The following PHF14 variants were observed in gnomAD, a reference collection of about 807,000 sequenced individuals.
The protein encoded by PHF14 is PHD finger protein 14.
A neutral mutation model predicts 117.9 loss-of-function variants in PHF14; 55 were observed. The ratio of observed to expected loss-of-function variants is 0.47; its 90% CI spans 0.38 to 0.58. The LOEUF is 0.58. Ranked by LOEUF, PHF14 falls within the 20% of genes least tolerant of loss-of-function variation. PHF14 has a pLI of 0.00. For synonymous variants in PHF14, 409 were observed against 368.6 expected (o/e 1.11, Z -1.26); for missense variants, 978 against 1,122.2 (o/e 0.87, Z 1.84).
chr7:11,115,676 G>T (rs1339419072), intron 17 of PHF14, among the ~76,000 whole-genome samples: 3 of 151,896 alleles, frequency 2.0e-5, no homozygotes, highest in Non-Finnish European at 4.4e-5. Flanking sequence ...TTTAGGTTTG[G>T]CTATTAATCC....
chr7:11,070,849 A>G (rs770265809), intron 16 of PHF14, among the ~76,000 whole-genome samples: 5 of 152,212 alleles, frequency 3.3e-5, no homozygotes, highest in African/African-American at 4.8e-5. Context: ...ATACACTGCC[A>G]TATCTGTATA....
At chr7:11,153,349 A>T (rs1411230979) in intron 17 of PHF14, among the ~76,000 whole-genome samples, 1 of 152,160 alleles carries the variant, frequency 6.6e-6, no homozygotes, top group East Asian at 1.9e-4. Flanking sequence ...TTTGTGTTTG[A>T]ACAACTGAGT....
At chr7:11,097,719 G>A (rs1305899927) in intron 16 of PHF14, among the ~76,000 whole-genome samples, 2 of 152,116 alleles carry the variant, frequency 1.3e-5, no homozygotes, top group Non-Finnish European at 2.9e-5. Context: ...CATTCTCAAA[G>A]TTCATTGTTG....
At position 10,992,693 on chromosome 7, in the gene PHF14, C is replaced by T. The variant is rs372325845; in HGVS notation, c.1045+1846C>T. On this transcript the variant is annotated intron_variant, in intron 4 of 17. Transcript: ENST00000634607. ...AAACAAACAAACAAAAAAAGGCATT[C>T]TCTTACATAACCACATAATTATCAA... Among the ~76,000 whole-genome samples the T allele has an allele frequency of 2.6e-5, 4 of 151,982 alleles. No individual in the cohort carries two copies. In the East Asian group the frequency reaches 5.8e-4, roughly 22 times the overall value.
chr7:11,149,724 T>C (rs1788653292), intron 17 of PHF14, among the ~76,000 whole-genome samples: 1 of 152,180 alleles, frequency 6.6e-6, no homozygotes, highest in African/African-American at 2.4e-5. Flanking sequence ...TCTGTAGTTT[T>C]ATTTTTTGTT....
intron 6 of PHF14, among the ~76,000 whole-genome samples, chr7:11,027,643 C>T (rs1162845742): frequency 6.6e-6 from 1 of 152,046 alleles, no homozygotes; most frequent in Non-Finnish European, 1.5e-5. Flanking sequence ...AAAGAATGTA[C>T]ATAATTGACT....
chr7:11,147,353 T>A (rs1788575673), intron 17 of PHF14, among the ~76,000 whole-genome samples: 1 of 152,188 alleles, frequency 6.6e-6, no homozygotes. Context: ...TCCATTATGA[T>A]TCGAAGATGG....
At chr7:11,021,396 C>G (rs938424239) in intron 5 of PHF14, among the ~76,000 whole-genome samples, 2 of 152,014 alleles carry the variant, frequency 1.3e-5, no homozygotes, top group Non-Finnish European at 2.9e-5. Flanking sequence ...TTAAAAGGGA[C>G]CATAGTTGTC....
rs749750656 is a variant in PHF14, at chr7:10,990,688, A to G, written c.901-15A>G. The G allele has an allele frequency of 1.4e-6, 2 of 1,451,274 alleles. No individual in the cohort carries two copies. Among genetic ancestry groups the G allele is most frequent in the Non-Finnish European group, 1.9e-6 (2 of 1,070,564 alleles). 89.9% of individuals were successfully genotyped at this position (1,451,274 alleles called of 1,614,324 possible). A position where few individuals can be genotyped will look rare whatever the true frequency, so the allele number is the denominator to read the frequency against. ...AAATGTGATTTTCTGATATATGTTA[A>G]TATTTTAATATTAGGACTCGCTGAT... On this transcript the variant is annotated splice_polypyrimidine_tract_variant and intron_variant, in intron 3 of 17. Coordinates refer to ENST00000634607, the MANE Select transcript of PHF14 (RefSeq NM_001007157.2).
intron 17 of PHF14, 48 bp downstream of exon 17, chr7:11,111,515 A>G (rs1277169992): frequency 1.1e-6 from 1 of 902,380 alleles, no homozygotes; most frequent in Non-Finnish European, 1.8e-6. Flanking sequence ...CTTCCGTTTG[A>G]TAGCTTTCCC....
intron 4 of PHF14, among the ~76,000 whole-genome samples, chr7:10,998,662 A>G (rs920251022): frequency 6.6e-6 from 1 of 152,190 alleles, no homozygotes; most frequent in African/African-American, 2.4e-5. Flanking sequence ...ATGTTAACTC[A>G]GGAGTAGCAG....
chr7:10,975,978 CTT>C (rs1322491746), intron 2 of PHF14, among the ~76,000 whole-genome samples: 2 of 152,166 alleles, frequency 1.3e-5, no homozygotes, highest in African/African-American at 2.4e-5. Flanking sequence ...TTACTGATAA[CTT>C]TTTGTTTGCA....
At chr7:11,001,505 A>G (rs904652773) in intron 4 of PHF14, among the ~76,000 whole-genome samples, 3 of 152,136 alleles carry the variant, frequency 2.0e-5, no homozygotes, top group African/African-American at 7.2e-5. Context: ...TCTTGACAAT[A>G]TTGAGCTTTT....
At chr7:11,069,355 G>C (rs1308395356) in intron 16 of PHF14, among the ~76,000 whole-genome samples, 1 of 152,118 alleles carries the variant, frequency 6.6e-6, no homozygotes, top group African/African-American at 2.4e-5. Context: ...GTAGGAGGTA[G>C]AAAAGTACTG....
chr7:11,152,044 T>C (rs1409169650), intron 17 of PHF14, among the ~76,000 whole-genome samples: 2 of 152,178 alleles, frequency 1.3e-5, no homozygotes, highest in Admixed American at 1.3e-4. Context: ...TTTACCAAAA[T>C]TTTCATAAAT....
intron 13 of PHF14, among the ~76,000 whole-genome samples, chr7:11,044,951 T>C (rs902063173): frequency 6.6e-6 from 1 of 152,218 alleles, no homozygotes; most frequent in Non-Finnish European, 1.5e-5. Context: ...ACATTTTCTT[T>C]GACTGTAATG....
At chr7:11,106,810 T>A in intron 16 of PHF14, 1 of 984,672 alleles carries the variant, frequency 1.0e-6, no homozygotes, top group Non-Finnish European at 1.2e-6. Context: ...ATCAGTTCTC[T>A]GGATATTTAG....
intron 14 of PHF14, among the ~76,000 whole-genome samples, chr7:11,059,583 C>G (rs547920806): frequency 2.6e-5 from 4 of 152,196 alleles, no homozygotes; most frequent in East Asian, 3.9e-4. Context: ...CGAGACCAGC[C>G]TGGCCAACAT....
rs571161952 is a variant in PHF14, at chr7:11,010,684, T to C, written c.1046-3063T>C. ...CATAATCTGAAAAAATATATATACT[T>C]TTTTGAGACGAGATTTTGCTCTGTT... On this transcript the variant is annotated intron_variant, in intron 4 of 17. Transcript: ENST00000634607. Among the ~76,000 whole-genome samples the C allele has an allele frequency of 2.0e-5, 3 of 152,188 alleles. No individual in the cohort carries two copies. The South Asian group carries it at 6.2e-4, about 32-fold the overall frequency.
Sources: gnomAD v4.1 joint callset for allele counts (sites outside exome capture counted in the v4.1 genomes callset) on GRCh38, gnomAD v4.1.1 for gene constraint, MANE v1.5 for transcripts, NCBI Gene and HGNC (gene_info 2026-07-23, HGNC 2026-07-21) for gene names.